The following ALPK2 variants were observed in gnomAD, a reference collection of about 807,000 sequenced individuals.
The protein encoded by ALPK2 is alpha kinase 2, also known as alpha-protein kinase 2.
A neutral mutation model predicts 163.1 loss-of-function variants in ALPK2; 127 were observed. That is an observed-to-expected ratio of 0.78 (90% CI 0.67 to 0.90). The LOEUF (loss-of-function observed/expected upper bound fraction) is 0.90, where lower values mean the gene tolerates loss of function less well. Ranked by LOEUF, ALPK2 falls within the 40% of genes least tolerant of loss-of-function variation. The pLI is 0.00. For synonymous variants in ALPK2, 953 were observed against 959.1 expected, an observed-to-expected ratio of 0.99 and a Z score of 0.12; for missense variants, 2,360 against 2,589.6, an observed-to-expected ratio of 0.91 and a Z score of 1.92.
chr18:58,546,324 T>C (rs1230035005), intron 4 of ALPK2, among the ~76,000 whole-genome samples: 1 of 152,196 alleles, frequency 6.6e-6, no homozygotes, highest in Non-Finnish European at 1.5e-5. Context: ...AAATACTGAT[T>C]TGATCTTTTG....
At chr18:58,515,206 G>T in intron 9 of ALPK2, 125 bp from the exon 10 acceptor site, 1 of 665,948 alleles carries the variant, frequency 1.5e-6, no homozygotes, top group South Asian at 2.4e-5. Context: ...CCCATCCCCT[G>T]GTTGGGGTCA....
At chr18:58,528,220 T>C (rs1203190689) in intron 6 of ALPK2, among the ~76,000 whole-genome samples, 1 of 152,206 alleles carries the variant, frequency 6.6e-6, no homozygotes, top group Admixed American at 6.5e-5. Context: ...TGCCTCCTCA[T>C]TCTTCTCTCC....
chr18:58,578,738 A>ACACACACGCGCGCACGCGCGCG, intron 4 of ALPK2, 76 bp downstream of exon 4: 1 of 936,582 alleles, frequency 1.1e-6, no homozygotes, highest in Middle Eastern at 3.1e-4. Context: ...GAAGAGACAC[A>ACACACACGCGCGCACGCGCGCG]CACACACACA....
intron 3 of ALPK2, 26 bp from the exon 4 acceptor site, chr18:58,580,574 A>C (rs770894273): frequency 6.3e-7 from 1 of 1,581,890 alleles, no homozygotes; most frequent in African/African-American, 1.4e-5. Flanking sequence ...TATATAGATA[A>C]GTTTGCCACA....
At chr18:58,627,269 C>T (rs898450482) in intron 1 of ALPK2, among the ~76,000 whole-genome samples, 5 of 152,190 alleles carry the variant, frequency 3.3e-5, no homozygotes, top group African/African-American at 9.7e-5. Context: ...ACAATAGGAA[C>T]TCTGCCCTAC....
At position 58,580,313 on chromosome 18, in the gene ALPK2, GGGAGA is replaced by G; in HGVS notation, c.458_462del (p.Ile153ThrfsTer8). 1.2e-6 allele frequency: 2 copies of G among 1,614,088 alleles called. No homozygotes were observed. Among genetic ancestry groups the G allele is most frequent in the Non-Finnish European group, 1.7e-6 (2 of 1,180,010 alleles). ...GAGTCAGCTGACCTGGGAGTGCCCG[GGGAGA>G]TGCTTTCTTCTTCCTTATAAGGATG... On this transcript the variant is annotated frameshift_variant, in exon 4 of 13. Coordinates refer to ENST00000361673, the MANE Select transcript of ALPK2 (RefSeq NM_052947.4). LOFTEE classifies it high-confidence loss of function.
intron 10 of ALPK2, among the ~76,000 whole-genome samples, chr18:58,513,530 C>G (rs114564663): frequency 0.013 from 2,038 of 152,278 alleles, 42 homozygotes; most frequent in African/African-American, 0.045. Flanking sequence ...TGCATGAGCC[C>G]TTTCCAAGTC....
intron 12 of ALPK2, among the ~76,000 whole-genome samples, chr18:58,494,653 C>T (rs35176031): frequency 6.6e-6 from 1 of 152,008 alleles, no homozygotes; most frequent in South Asian, 2.1e-4. Context: ...ACCAGCCCCC[C>T]CATAGAACTT....
chr18:58,564,143 A>G lies in ALPK2; in HGVS notation c.1962+14671T>C, dbSNP rs1248531279. 2.0e-3 allele frequency among the ~76,000 whole-genome samples: 32 copies of G among 16,232 alleles called. 1 individual carries two copies. Among genetic ancestry groups the G allele is most frequent in the African/African-American group, 0.019 (32 of 1,694 alleles). The allele number at this position is 16,232 out of a possible 152,430, so 10.6% of individuals were successfully genotyped here. A position where few individuals can be genotyped will look rare whatever the true frequency, so the allele number is the denominator to read the frequency against. ...TTGTTCTTTTTTTTTTTTTTTTGAG[A>G]TGGAGTTTCGCTCTTGTCGCCCAGG... is the stretch of plus-strand genomic sequence containing the variant. On this transcript the variant is annotated intron_variant, in intron 4 of 12. Transcript: ENST00000361673.
Position 58,513,222 on chromosome 18 carries a change from TTGTG to T in ALPK2, c.6029+1767_6029+1770del, listed in dbSNP as rs2051503717. 4.4e-5 allele frequency among the ~76,000 whole-genome samples: 6 copies of T among 135,912 alleles called. No homozygotes were observed. In the South Asian group the frequency reaches 1.3e-3, roughly 30 times the overall value. The allele number at this position is 135,912 out of a possible 152,430, so 89.2% of individuals were successfully genotyped here. On this transcript the variant is annotated intron_variant, in intron 10 of 12. Coordinates refer to ENST00000361673, the MANE Select transcript of ALPK2 (RefSeq NM_052947.4). ...TGTTTATGTGTATGGTGAGTGTTGT[TTGTG>T]TGGTATGTGTGTGTGTATGGTGAGT...
intron 12 of ALPK2, among the ~76,000 whole-genome samples, chr18:58,484,809 C>T (rs1473980374): frequency 6.6e-6 from 1 of 151,908 alleles, no homozygotes; most frequent in Admixed American, 6.6e-5. Context: ...ATGAGAAAAT[C>T]CATAGAAACC....
In ALPK2 at chr18:58,529,217, A is replaced by AT. The variant is rs773899571; in HGVS notation, c.5374dup (p.Ile1792AsnfsTer4). On this transcript the variant is annotated frameshift_variant, in exon 6 of 13. Transcript: ENST00000361673. ...GTGTTCAGGGAACATCTCAGCTTGG[A>AT]TCTTTTTCAGTAATACTGGAGCTAG... 8.1e-6 allele frequency: 13 copies of AT among 1,612,936 alleles called. No homozygotes were observed. The highest frequency in any genetic ancestry group is 8.5e-6 in the Non-Finnish European group (10 of 1,179,658).
At chr18:58,567,299 G>A (rs571060693) in intron 4 of ALPK2, among the ~76,000 whole-genome samples, 26 of 152,028 alleles carry the variant, frequency 1.7e-4, no homozygotes, top group African/African-American at 5.3e-4. Flanking sequence ...CAAGAGAATC[G>A]CTTGAACCTG....
At chr18:58,581,906 G>A (rs2051960783) in intron 3 of ALPK2, among the ~76,000 whole-genome samples, 1 of 152,114 alleles carries the variant, frequency 6.6e-6, no homozygotes, top group Non-Finnish European at 1.5e-5. Context: ...ATATAATATG[G>A]TCATCCTTTC....
intron 5 of ALPK2, 51 bp from the exon 6 acceptor site, chr18:58,529,289 A>C (rs1303038420): frequency 6.6e-7 from 1 of 1,510,868 alleles, no homozygotes; most frequent in Non-Finnish European, 9.1e-7. Context: ...TTCCCATTTC[A>C]TACCATTTAA....
In ALPK2 at chr18:58,580,323, T is replaced by G; in HGVS notation, c.453A>C (p.Glu151Asp). ...DEKEHPYKEE[E>D]SISPGTPRSA... ...ACCTGGGAGTGCCCGGGGAGATGCT[T>G]TCTTCTTCCTTATAAGGATGTTCCT... Residue 151 changes from glutamate to aspartate, a missense_variant, in exon 4 of 13, where the codon GAA (glutamate) becomes GAC (aspartate). Glu to Asp is a conservative substitution (Grantham distance 45, BLOSUM62 2). Transcript: ENST00000361673. 6.2e-7 allele frequency: 1 copy of G among 1,614,154 alleles called. No homozygotes were observed. The highest frequency in any genetic ancestry group is 8.5e-7 in the Non-Finnish European group (1 of 1,180,018).
intron 4 of ALPK2, among the ~76,000 whole-genome samples, chr18:58,550,267 C>T (rs910740212): frequency 1.3e-5 from 1 of 77,364 alleles, no homozygotes; most frequent in Non-Finnish European, 2.8e-5. Flanking sequence ...TGACATACAA[C>T]CTCCTTCCCC....
intron 3 of ALPK2, among the ~76,000 whole-genome samples, chr18:58,583,829 A>T (rs2051972741): frequency 6.6e-6 from 1 of 151,982 alleles, no homozygotes; most frequent in African/African-American, 2.4e-5. Flanking sequence ...AGTAATTTTG[A>T]TATCCTGACC....
At chr18:58,625,660 G>A (rs1238956158) in intron 1 of ALPK2, among the ~76,000 whole-genome samples, 4 of 152,224 alleles carry the variant, frequency 2.6e-5, no homozygotes, top group Non-Finnish European at 4.4e-5. Flanking sequence ...GAGCAAATGA[G>A]CGTGTTTAAG....
Sources: allele counts gnomAD v4.1 joint callset (sites outside exome capture counted in the v4.1 genomes callset), GRCh38; gene constraint gnomAD v4.1.1; transcripts MANE v1.5; gene names NCBI Gene and HGNC (gene_info 2026-07-23, HGNC 2026-07-21).